The following CACHD1 variants were observed in gnomAD, a reference collection of about 807,000 sequenced individuals.
The protein encoded by CACHD1 is VWFA and cache domain-containing protein 1.
A neutral mutation model predicts 138.7 loss-of-function variants in CACHD1; 71 were observed. The observed-to-expected ratio is 0.51, with a 90% CI of 0.42 to 0.62. CACHD1 has a LOEUF of 0.62. Ranked by LOEUF, CACHD1 falls within the 20% of genes least tolerant of loss-of-function variation. The probability of loss-of-function intolerance (pLI) is 0.00; values close to 1 mark genes in which losing one functional copy is unlikely to be tolerated. For synonymous variants in CACHD1, 578 were observed against 591.5 expected, an observed-to-expected ratio of 0.98 and a Z score of 0.33; for missense variants, 1,389 against 1,625.3, an observed-to-expected ratio of 0.85 and a Z score of 2.50.
chr1:64,538,957 T>G (rs954874367), intron 1 of CACHD1, among the ~76,000 whole-genome samples: 6 of 152,236 alleles, frequency 3.9e-5, no homozygotes, highest in African/African-American at 1.4e-4. Flanking sequence ...AGTCTCATTC[T>G]CCAACACTAC....
At chr1:64,598,073 A>G (rs867880523) in intron 3 of CACHD1, among the ~76,000 whole-genome samples, 8 of 152,158 alleles carry the variant, frequency 5.3e-5, no homozygotes, top group African/African-American at 1.9e-4. Flanking sequence ...AGTAACAAGG[A>G]TGGCTGAGCA....
chr1:64,652,420 T>TA, intron 10 of CACHD1, 110 bp downstream of exon 10: 1 of 979,058 alleles, frequency 1.0e-6, no homozygotes, highest in Non-Finnish European at 1.5e-6. Context: ...AGAAGAGCAT[T>TA]GTGACTAAGA....
rs1215125071 is a variant in CACHD1, at chr1:64,691,993, G to A, written c.*432G>A. On this transcript the variant is annotated 3_prime_UTR_variant, in exon 27 of 27. Coordinates refer to ENST00000651257, the MANE Select transcript of CACHD1 (RefSeq NM_020925.4). ...ACATGCAGATACAAATGTGTGCATT[G>A]AAGATTTCGCTTTGTTTCTTAGCGG... 2 of 189,410 alleles carry A rather than the reference G, an allele frequency of 1.1e-5. No individual in the cohort carries two copies. The highest frequency in any genetic ancestry group is 2.3e-5 in the African/African-American group (1 of 43,512). 11.7% of individuals were successfully genotyped at this position (189,410 alleles called of 1,614,324 possible).
chr1:64,613,737 T>C (rs1396946117), intron 4 of CACHD1, among the ~76,000 whole-genome samples: 1 of 152,224 alleles, frequency 6.6e-6, no homozygotes, highest in East Asian at 1.9e-4. Flanking sequence ...ATTTTCTTTA[T>C]TCTGTAGCTC....
At chr1:64,475,180 T>TTTG (rs1553125369) in intron 1 of CACHD1, among the ~76,000 whole-genome samples, 1 of 149,668 alleles carries the variant, frequency 6.7e-6, no homozygotes, top group Admixed American at 6.7e-5. Context: ...CCTTTTTTTT[T>TTTG]TTTTTTTTTT....
chr1:64,534,028 CA>C (rs1646612079), intron 1 of CACHD1, among the ~76,000 whole-genome samples: 1 of 149,828 alleles, frequency 6.7e-6, no homozygotes, highest in Non-Finnish European at 1.5e-5. Context: ...GCTGAGATTA[CA>C]GTCGTGAGCC....
chr1:64,640,741 T>TTATATATATATATATATATA (rs67605354), intron 7 of CACHD1, among the ~76,000 whole-genome samples: 11 of 149,404 alleles, frequency 7.4e-5, no homozygotes, highest in African/African-American at 2.8e-4. Context: ...ACTCTCAACA[T>TTATATATATATATATATATA]TATATATATA....
intron 16 of CACHD1, among the ~76,000 whole-genome samples, chr1:64,670,497 C>A (rs550557267): frequency 2.0e-4 from 30 of 152,126 alleles, no homozygotes; most frequent in Non-Finnish European, 3.4e-4. Context: ...AAATTCTCAG[C>A]CACAAGAGTA....
intron 23 of CACHD1, among the ~76,000 whole-genome samples, 158 bp from the exon 24 acceptor site, chr1:64,679,437 C>A (rs887948399): frequency 6.6e-6 from 1 of 152,246 alleles, no homozygotes; most frequent in Non-Finnish European, 1.5e-5. Context: ...CTCCCACGTT[C>A]CCATGCGTCA....
intron 4 of CACHD1, among the ~76,000 whole-genome samples, chr1:64,619,537 C>G (rs189716791): frequency 6.6e-6 from 1 of 152,092 alleles, no homozygotes; most frequent in Non-Finnish European, 1.5e-5. Flanking sequence ...GTATGGAGAT[C>G]AAATAGAACC....
chr1:64,576,931 TA>T (rs897140781), intron 2 of CACHD1, among the ~76,000 whole-genome samples: 8 of 151,386 alleles, frequency 5.3e-5, no homozygotes, highest in Non-Finnish European at 1.0e-4. Context: ...GAATTCTTTA[TA>T]ACAAATTTGA....
chr1:64,536,427 G>A (rs1285936790), intron 1 of CACHD1, among the ~76,000 whole-genome samples: 1 of 152,172 alleles, frequency 6.6e-6, no homozygotes, highest in African/African-American at 2.4e-5. Flanking sequence ...TTCTGGTTTT[G>A]TCCTTGTTCA....
chr1:64,618,634 G>A (rs1430549898), intron 4 of CACHD1, among the ~76,000 whole-genome samples: 1 of 152,202 alleles, frequency 6.6e-6, no homozygotes, highest in African/African-American at 2.4e-5. Context: ...ATGTAAGTGG[G>A]AAGTGGGAAT....
intron 1 of CACHD1, among the ~76,000 whole-genome samples, chr1:64,510,902 T>C (rs1345974748): frequency 6.6e-6 from 1 of 152,198 alleles, no homozygotes; most frequent in African/African-American, 2.4e-5. Context: ...TCCTGGAGGT[T>C]GTAATGAGGG....
At chr1:64,583,922 T>A (rs1647031329) in intron 3 of CACHD1, among the ~76,000 whole-genome samples, 1 of 152,122 alleles carries the variant, frequency 6.6e-6, no homozygotes, top group South Asian at 2.1e-4. Flanking sequence ...TTATGGGAGC[T>A]ACAATTCAAG....
intron 9 of CACHD1, among the ~76,000 whole-genome samples, chr1:64,649,825 A>G (rs1311428978): frequency 2.0e-5 from 3 of 152,166 alleles, no homozygotes; most frequent in Non-Finnish European, 4.4e-5. Flanking sequence ...GGCCTGTGTT[A>G]TGAATCCTGT....
At chr1:64,684,849 G>A (rs144885156) in intron 26 of CACHD1, among the ~76,000 whole-genome samples, 2,569 of 151,868 alleles carry the variant, frequency 0.017, 65 homozygotes, top group African/African-American at 0.059. Context: ...TGCTCTTGTC[G>A]CCCAGGCTGG....
chr1:64,554,857 T>C lies in CACHD1; in HGVS notation c.261+4201T>C, dbSNP rs114459566. On this transcript the variant is annotated intron_variant, in intron 2 of 26. Transcript: ENST00000651257. ...ACTGAAATGTGTCTAGAGCTACTGA[T>C]AATTAAATTTTAAATAAAATAGCTA... 5.4e-3 allele frequency among the ~76,000 whole-genome samples: 827 copies of C among 152,360 alleles called. 8 individuals carry two copies. Among genetic ancestry groups the C allele is most frequent in the African/African-American group, 0.019 (789 of 41,582 alleles).
At chr1:64,523,092 T>G (rs1646510583) in intron 1 of CACHD1, among the ~76,000 whole-genome samples, 1 of 152,254 alleles carries the variant, frequency 6.6e-6, no homozygotes, top group African/African-American at 2.4e-5. Context: ...ACTGGGTATT[T>G]GGTGAAATTC....
Sources: gnomAD v4.1 joint callset for allele counts (sites outside exome capture counted in the v4.1 genomes callset) on GRCh38, gnomAD v4.1.1 for gene constraint, MANE v1.5 for transcripts, NCBI Gene and HGNC (gene_info 2026-07-23, HGNC 2026-07-21) for gene names.